Variants in SLC39A11 observed in about 807,000 individuals in gnomAD.
SLC39A11 encodes zinc transporter ZIP11.
Under a neutral mutation model 36.1 loss-of-function variants are expected in SLC39A11, and 33 were observed. That is an observed-to-expected ratio of 0.91 (90% CI 0.69 to 1.22). The LOEUF (loss-of-function observed/expected upper bound fraction) is 1.22. Ranked by LOEUF, SLC39A11 falls within the 50% of genes most tolerant of loss-of-function variation. The probability of loss-of-function intolerance (pLI) is 0.00; values close to 1 mark genes in which losing one functional copy is unlikely to be tolerated. For synonymous variants in SLC39A11, 166 were observed against 170.3 expected (o/e 0.97, Z 0.20); for missense variants, 432 against 430.3 (o/e 1.00, Z -0.03).
chr17:73,030,409 G>A (rs1351146542), intron 4 of SLC39A11, among the ~76,000 whole-genome samples: 4 of 152,232 alleles, frequency 2.6e-5, no homozygotes, highest in Admixed American at 6.5e-5. Flanking sequence ...AATCGTTATA[G>A]TTACAGAATC....
At chr17:72,732,175 C>G (rs2143874617) in intron 7 of SLC39A11, among the ~76,000 whole-genome samples, 1 of 150,802 alleles carries the variant, frequency 6.6e-6, no homozygotes, top group East Asian at 2.0e-4. Context: ...TACCACCACA[C>G]CCGGCTAATT....
At chr17:73,060,012 C>T (rs2059790064) in intron 3 of SLC39A11, among the ~76,000 whole-genome samples, 1 of 151,818 alleles carries the variant, frequency 6.6e-6, no homozygotes, top group South Asian at 2.1e-4. Context: ...GAGTTCAAGA[C>T]CAGCCTGGCC....
chr17:73,000,902 C>T (rs1218159482), intron 4 of SLC39A11, among the ~76,000 whole-genome samples: 5 of 152,330 alleles, frequency 3.3e-5, no homozygotes, highest in South Asian at 4.1e-4. Context: ...AAAAGGGACA[C>T]GTTCCTTTCT....
chr17:72,723,321 A>AGTGAGT (rs1280241325), intron 7 of SLC39A11, among the ~76,000 whole-genome samples: 5 of 148,450 alleles, frequency 3.4e-5, no homozygotes, highest in African/African-American at 1.2e-4. Flanking sequence ...GGAGTGTAAG[A>AGTGAGT]GTGTGTGTGT....
At chr17:72,878,350 A>G (rs1440892896) in intron 5 of SLC39A11, among the ~76,000 whole-genome samples, 1 of 152,172 alleles carries the variant, frequency 6.6e-6, no homozygotes, top group East Asian at 1.9e-4. Context: ...ATTTCCAGAA[A>G]AAGACAGCCC....
intron 5 of SLC39A11, among the ~76,000 whole-genome samples, chr17:72,923,775 C>T (rs541916356): frequency 2.6e-5 from 4 of 151,386 alleles, no homozygotes; most frequent in Admixed American, 6.6e-5. Flanking sequence ...AGGATTGAGG[C>T]GGGAAAAAAA....
rs549637159 is a variant in SLC39A11 at position 72,944,412 on chromosome 17, C to A, written c.430+3340G>T. On this transcript the variant is annotated intron_variant, in intron 5 of 9. Transcript: ENST00000255559. ...GATGCTATGAAGAAAAGAAAAAAAA[C>A]TCAACTTGACAGCTGAGTGGGGACA... Among the ~76,000 whole-genome samples, 12 of 152,268 alleles carry A rather than the reference C, an allele frequency of 7.9e-5. No individual in the cohort carries two copies. The South Asian group carries it at 2.5e-3, about 32-fold the overall frequency.
At chr17:73,025,237 G>A (rs1428228948) in intron 4 of SLC39A11, among the ~76,000 whole-genome samples, 3 of 152,174 alleles carry the variant, frequency 2.0e-5, no homozygotes, top group Non-Finnish European at 2.9e-5. Context: ...CCACGTGGAG[G>A]AGACAGCCTC....
At position 72,944,410 on chromosome 17, in the gene SLC39A11, A is replaced by G. The variant is rs114625179; in HGVS notation, c.430+3342T>C. ...AGGATGCTATGAAGAAAAGAAAAAA[A>G]ACTCAACTTGACAGCTGAGTGGGGA... On this transcript the variant is annotated intron_variant, in intron 5 of 9. Transcript: ENST00000255559. 4.0e-3 allele frequency among the ~76,000 whole-genome samples: 614 copies of G among 152,330 alleles called. 4 individuals carry two copies. The highest frequency in any genetic ancestry group is 0.014 in the African/African-American group (567 of 41,574).
intron 3 of SLC39A11, among the ~76,000 whole-genome samples, chr17:73,073,023 T>C (rs546941917): frequency 1.3e-5 from 2 of 152,112 alleles, no homozygotes; most frequent in South Asian, 2.1e-4. Flanking sequence ...CTACTAAAAA[T>C]ACAAAAATTA....
chr17:72,844,664 T>A (rs2078972640), intron 6 of SLC39A11, among the ~76,000 whole-genome samples: 1 of 152,002 alleles, frequency 6.6e-6, no homozygotes, highest in South Asian at 2.1e-4. Context: ...GCAGACTCTG[T>A]CTCAAAAACA....
At chr17:72,994,572 T>C (rs1273529050) in intron 4 of SLC39A11, among the ~76,000 whole-genome samples, 1 of 152,194 alleles carries the variant, frequency 6.6e-6, no homozygotes. Context: ...TTACGTTTGT[T>C]GTATAAAGTT....
intron 6 of SLC39A11, among the ~76,000 whole-genome samples, chr17:72,742,385 A>G (rs1394486368): frequency 6.6e-6 from 1 of 152,152 alleles, no homozygotes. Flanking sequence ...ATGAACTTCG[A>G]GAACATCTGA....
intron 6 of SLC39A11, among the ~76,000 whole-genome samples, chr17:72,814,628 T>C (rs2077527138): frequency 6.6e-6 from 1 of 151,990 alleles, no homozygotes; most frequent in African/African-American, 2.4e-5. Flanking sequence ...AGGGCCAAGG[T>C]GACATTTTAG....
chr17:72,861,662 T>G (rs868751733), intron 5 of SLC39A11, among the ~76,000 whole-genome samples: 6 of 82,038 alleles, frequency 7.3e-5, no homozygotes, highest in Admixed American at 1.3e-4. Flanking sequence ...ACACATTATA[T>G]ATATATATAT....
At position 72,870,156 on chromosome 17, in the gene SLC39A11, G is replaced by A. The variant is rs146201185; in HGVS notation, c.431-20352C>T. Among the ~76,000 whole-genome samples, 272 of 152,138 alleles carry A rather than the reference G, an allele frequency of 1.8e-3. 2 individuals carry two copies. Among genetic ancestry groups the A allele is most frequent in the African/African-American group, 6.3e-3 (261 of 41,480 alleles). On this transcript the variant is annotated intron_variant, in intron 5 of 9. Coordinates refer to ENST00000255559, the MANE Select transcript of SLC39A11 (RefSeq NM_139177.4). ...CATTTTTAATCAGTGCTTAAGGTGA[G>A]TCTAATGTGCGAGGTCAGCAGACCA...
chr17:73,039,585 TA>T (rs1224195935), intron 3 of SLC39A11, among the ~76,000 whole-genome samples: 1 of 152,236 alleles, frequency 6.6e-6, no homozygotes, highest in Non-Finnish European at 1.5e-5. Flanking sequence ...GCCTAATTTT[TA>T]CAGTAATTTT....
At chr17:73,001,262 G>A (rs1184058082) in intron 4 of SLC39A11, among the ~76,000 whole-genome samples, 1 of 151,478 alleles carries the variant, frequency 6.6e-6, no homozygotes, top group East Asian at 1.9e-4. Flanking sequence ...ATTCCAGTTA[G>A]TTAGCCATTT....
chr17:73,056,628 T>C (rs1375535630), intron 3 of SLC39A11, among the ~76,000 whole-genome samples: 1 of 152,190 alleles, frequency 6.6e-6, no homozygotes, highest in African/African-American at 2.4e-5. Context: ...CTGAGTCCTG[T>C]AGGGAGGCCT....
Sources: allele counts gnomAD v4.1 joint callset (sites outside exome capture counted in the v4.1 genomes callset), GRCh38; gene constraint gnomAD v4.1.1; transcripts MANE v1.5; gene names NCBI Gene and HGNC (gene_info 2026-07-23, HGNC 2026-07-21).